Variants in SH3KBP1 observed in about 807,000 individuals in gnomAD.
SH3KBP1 encodes the protein SH3 domain-containing kinase-binding protein 1.
A neutral mutation model predicts 50.1 loss-of-function variants in SH3KBP1; 8 were observed. The observed-to-expected ratio is 0.16, with a 90% CI of 0.09 to 0.29. The LOEUF (loss-of-function observed/expected upper bound fraction) is 0.29, where lower values mean the gene tolerates loss of function less well. Ranked by LOEUF, SH3KBP1 falls within the 10% of genes least tolerant of loss-of-function variation. The pLI is 1.00. For synonymous variants in SH3KBP1, 227 were observed against 218.6 expected (o/e 1.04, Z -0.34); for missense variants, 377 against 535.2 (o/e 0.70, Z 2.92).
intron 2 of SH3KBP1, among the ~76,000 whole-genome samples, chrX:19,806,191 G>A (rs773514438): frequency 8.0e-4 from 89 of 111,568 alleles, no homozygotes; most frequent in African/African-American, 2.8e-3. Flanking sequence ...AGTATGAAAA[G>A]CATTTGAGCA....
chrX:19,771,626 G>C (rs1330603654), intron 2 of SH3KBP1, among the ~76,000 whole-genome samples: 1 of 111,427 alleles, frequency 9.0e-6, no homozygotes, highest in Non-Finnish European at 1.9e-5. Flanking sequence ...CACTTTGGGG[G>C]GCCAAAGCGG....
intron 1 of SH3KBP1, among the ~76,000 whole-genome samples, chrX:19,880,573 A>G (rs1261288368): frequency 8.9e-6 from 1 of 112,901 alleles, no homozygotes; most frequent in Non-Finnish European, 1.9e-5. Context: ...AAAGTATGGT[A>G]CAGCACACCT....
At chrX:19,736,580 CT>C (rs1286666125) in intron 3 of SH3KBP1, among the ~76,000 whole-genome samples, 1 of 112,394 alleles carries the variant, frequency 8.9e-6, no homozygotes, top group African/African-American at 3.2e-5. Context: ...CTTTCCCTTC[CT>C]GGTTGAAACA....
intron 4 of SH3KBP1, among the ~76,000 whole-genome samples, chrX:19,704,496 C>T (rs2063608354): frequency 2.7e-5 from 3 of 112,618 alleles, no homozygotes; most frequent in Non-Finnish European, 1.9e-5. Context: ...AATTCTTGTT[C>T]CCTTTCAGTC....
intron 7 of SH3KBP1, among the ~76,000 whole-genome samples, chrX:19,638,149 A>G (rs1352931535): frequency 9.9e-6 from 1 of 100,786 alleles, no homozygotes; most frequent in African/African-American, 3.6e-5. Flanking sequence ...GGTGGCTCAC[A>G]CCTGTAATCC....
intron 5 of SH3KBP1, among the ~76,000 whole-genome samples, chrX:19,690,585 A>T (rs1569421621): frequency 8.9e-6 from 1 of 112,498 alleles, no homozygotes; most frequent in South Asian, 3.6e-4. Context: ...TAGTTTTACA[A>T]CTATTATTTG....
chrX:19,878,544 C>A (rs1044419343), intron 1 of SH3KBP1, among the ~76,000 whole-genome samples: 1 of 102,656 alleles, frequency 9.7e-6, no homozygotes, highest in African/African-American at 3.7e-5. Context: ...AAATAAAGGG[C>A]CTCCCAAGGA....
At chrX:19,677,413 G>A (rs1435428111) in intron 6 of SH3KBP1, among the ~76,000 whole-genome samples, 5 of 111,566 alleles carry the variant, frequency 4.5e-5, no homozygotes, top group Non-Finnish European at 9.4e-5. Flanking sequence ...ATACAGTCTC[G>A]TCTGGGCTTG....
At chrX:19,573,824 C>T (rs767048416) in intron 12 of SH3KBP1, among the ~76,000 whole-genome samples, 1 of 111,221 alleles carries the variant, frequency 9.0e-6, no homozygotes, top group African/African-American at 3.3e-5. Flanking sequence ...AAATCCAGGC[C>T]AGGTGTGCTA....
chrX:19,874,068 A>T (rs58163031), intron 1 of SH3KBP1, among the ~76,000 whole-genome samples: 12,885 of 54,970 alleles, frequency 0.23, 1,852 homozygotes, highest in African/African-American at 0.34. Context: ...AAAAAAAAAA[A>T]ATATATATAT....
At chrX:19,769,639 T>G (rs537622370) in intron 2 of SH3KBP1, among the ~76,000 whole-genome samples, 12 of 111,448 alleles carry the variant, frequency 1.1e-4, no homozygotes, top group South Asian at 3.8e-4. Context: ...GCCACAAGAT[T>G]GAACTCTCAC....
chrX:19,676,807 G>T (rs1280838890), intron 6 of SH3KBP1, among the ~76,000 whole-genome samples: 4 of 112,258 alleles, frequency 3.6e-5, no homozygotes, highest in African/African-American at 9.7e-5. Context: ...GCATTAATTT[G>T]GGTGACTATA....
chrX:19,536,577 G>T lies in SH3KBP1; in HGVS notation c.1957-119C>A, dbSNP rs146800707. ...AACAATCAATCTGACAATTTTAAAG[G>T]TGACATGACATCTGAATAGACAATC... On this transcript the variant is annotated intron_variant, in intron 17 of 17. Transcript: ENST00000397821. 23 of 442,074 alleles carry T rather than the reference G, an allele frequency of 5.2e-5. 1 individual carries two copies. Among genetic ancestry groups the T allele is most frequent in the Middle Eastern group, 5.2e-4 (1 of 1,919 alleles). The allele number at this position is 442,074 out of a possible 1,213,427, so 36.4% of individuals were successfully genotyped here.
At chrX:19,670,347 G>C in intron 6 of SH3KBP1, 19 of 753,395 alleles carry the variant, frequency 2.5e-5, no homozygotes, top group Non-Finnish European at 3.0e-5. Context: ...TCCAAATGTC[G>C]GTGACCCTCA....
At chrX:19,809,604 C>G (rs1214940644) in intron 2 of SH3KBP1, among the ~76,000 whole-genome samples, 2 of 112,080 alleles carry the variant, frequency 1.8e-5, no homozygotes, top group Admixed American at 1.9e-4. Flanking sequence ...TAAAAGAAAA[C>G]AAATGTATCT....
At position 19,613,381 on chromosome X, in the gene SH3KBP1, G is replaced by T. The variant is rs749329391; in HGVS notation, c.898-5336C>A. Among the ~76,000 whole-genome samples the T allele has an allele frequency of 2.7e-5, 3 of 112,174 alleles. No homozygotes were observed. The South Asian group carries it at 1.1e-3, about 41-fold the overall frequency. Reference sequence around the variant, plus strand: ...TGAACTCTGAATGAGGTGGGAGGTAGAAATGAGAAAAGGAGCAGCATGTAG... The same window carrying T: ...TGAACTCTGAATGAGGTGGGAGGTATAAATGAGAAAAGGAGCAGCATGTAG... On this transcript the variant is annotated intron_variant, in intron 8 of 17. Transcript: ENST00000397821.
chrX:19,561,564 C>T (rs1026045032), intron 13 of SH3KBP1, among the ~76,000 whole-genome samples: 25 of 111,886 alleles, frequency 2.2e-4, no homozygotes, highest in Admixed American at 4.7e-4. Flanking sequence ...TTCTCTTTCC[C>T]GCCACCTTCC....
chrX:19,537,186 G>A (rs761548995), intron 17 of SH3KBP1, among the ~76,000 whole-genome samples: 7 of 111,584 alleles, frequency 6.3e-5, no homozygotes, highest in Non-Finnish European at 1.3e-4. Flanking sequence ...GCTGGGTGCC[G>A]TGGCTCACAC....
intron 3 of SH3KBP1, among the ~76,000 whole-genome samples, chrX:19,726,392 G>C (rs2064222191): frequency 9.0e-6 from 1 of 111,551 alleles, no homozygotes; most frequent in Admixed American, 9.5e-5. Flanking sequence ...CTACTTCTCA[G>C]GGTTGTTTAA....
Sources: allele counts gnomAD v4.1 joint callset (sites outside exome capture counted in the v4.1 genomes callset), GRCh38; gene constraint gnomAD v4.1.1; transcripts MANE v1.5; gene names NCBI Gene and HGNC (gene_info 2026-07-23, HGNC 2026-07-21).